The following PLSCR4 variants were observed in gnomAD, a reference collection of about 807,000 sequenced individuals.
PLSCR4 encodes the protein Ca(2+)-dependent phospholipid scramblase 4.
A neutral mutation model predicts 36.3 loss-of-function variants in PLSCR4; 25 were observed. The ratio of observed to expected loss-of-function variants is 0.69; its 90% CI spans 0.50 to 0.96. The LOEUF is 0.96. PLSCR4 is among the 40% of genes least tolerant of loss of function. PLSCR4 has a pLI of 0.00. For synonymous variants in PLSCR4, 122 were observed against 132.9 expected (o/e 0.92, Z 0.56); for missense variants, 408 against 414.7 (o/e 0.98, Z 0.14).
intron 4 of PLSCR4, among the ~76,000 whole-genome samples, chr3:146,203,925 G>A (rs570517267): frequency 6.6e-6 from 1 of 152,084 alleles, no homozygotes; most frequent in East Asian, 1.9e-4. Flanking sequence ...TGGCTAACTG[G>A]TGCTAGAAGA....
intron 1 of PLSCR4, among the ~76,000 whole-genome samples, chr3:146,249,275 T>A (rs1287493999): frequency 2.0e-5 from 3 of 152,146 alleles, no homozygotes; most frequent in African/African-American, 7.2e-5. Context: ...TTAGGCTGCA[T>A]ATGTTTAGAT....
At chr3:146,206,792 A>C in intron 3 of PLSCR4, 31 bp from the exon 4 acceptor site, 1 of 1,341,924 alleles carries the variant, frequency 7.5e-7, no homozygotes, top group East Asian at 2.6e-5. Flanking sequence ...AGTGTTATAT[A>C]TTATTAACAC....
At chr3:146,247,078 T>G (rs919736561) in intron 1 of PLSCR4, among the ~76,000 whole-genome samples, 1 of 152,198 alleles carries the variant, frequency 6.6e-6, no homozygotes, top group Non-Finnish European at 1.5e-5. Flanking sequence ...GTCTTGATGT[T>G]AATTACATTT....
At chr3:146,196,559 C>A (rs1479832417) in intron 7 of PLSCR4, 73 bp downstream of exon 7, 1 of 1,427,088 alleles carries the variant, frequency 7.0e-7, no homozygotes, top group Non-Finnish European at 9.8e-7. Context: ...AAAATGTCTA[C>A]AACCAGATCT....
chr3:146,195,153 C>T lies in PLSCR4; in HGVS notation c.916G>A (p.Ala306Thr). ...FPLDLDVKMK[A>T]MIFGACFLID... is the part of the protein sequence containing the mutation. ...AGGAAGCAAGCTCCAAAAATCATGG[C>T]TTTCATCTTCACATCCAGGTCTAGT... Residue 306 changes from alanine (A) to threonine (T), a missense_variant, in exon 8 of 9, where the codon GCC becomes ACC. Ala to Thr is a moderately conservative substitution (Grantham distance 58). Transcript: ENST00000354952. 6.2e-7 allele frequency: 1 copy of T among 1,613,894 alleles called. No homozygotes were observed. The highest frequency in any genetic ancestry group is 1.1e-5 in the South Asian group (1 of 91,066).
intron 4 of PLSCR4, among the ~76,000 whole-genome samples, chr3:146,204,556 C>T (rs1175780323): frequency 2.6e-5 from 4 of 151,872 alleles, no homozygotes; most frequent in African/African-American, 9.7e-5. Context: ...AATTAAAAAA[C>T]CAGGTTTGCC....
At chr3:146,198,580 T>G (rs2033873154) in intron 6 of PLSCR4, among the ~76,000 whole-genome samples, 1 of 151,958 alleles carries the variant, frequency 6.6e-6, no homozygotes, top group Non-Finnish European at 1.5e-5. Context: ...TTTTTATTTT[T>G]TATTTTTGTA....
chr3:146,219,619 G>A (rs2035049942), intron 3 of PLSCR4, among the ~76,000 whole-genome samples: 1 of 151,824 alleles, frequency 6.6e-6, no homozygotes, highest in Admixed American at 6.6e-5. Context: ...TATGCCTAGA[G>A]CCAAAAAAAA....
chr3:146,219,734 T>C (rs1435919555), intron 3 of PLSCR4, among the ~76,000 whole-genome samples: 1 of 151,868 alleles, frequency 6.6e-6, no homozygotes, highest in Non-Finnish European at 1.5e-5. Flanking sequence ...CTGACCAACA[T>C]GGAAAAACCT....
intron 1 of PLSCR4, among the ~76,000 whole-genome samples, chr3:146,225,785 C>T (rs578098350): frequency 6.6e-6 from 1 of 152,292 alleles, no homozygotes; most frequent in Non-Finnish European, 1.5e-5. Flanking sequence ...AAGCGCCGCA[C>T]GCGGTTGCCG....
chr3:146,238,665 G>A (rs1460163175), intron 1 of PLSCR4, among the ~76,000 whole-genome samples: 1 of 152,024 alleles, frequency 6.6e-6, no homozygotes, highest in African/African-American at 2.4e-5. Context: ...AGAAACTTGT[G>A]AAGCACTCCA....
intron 3 of PLSCR4, among the ~76,000 whole-genome samples, chr3:146,210,024 C>G (rs1184812270): frequency 6.6e-6 from 1 of 152,046 alleles, no homozygotes; most frequent in African/African-American, 2.4e-5. Flanking sequence ...ATACCAAAAC[C>G]TACAAATGCT....
intron 1 of PLSCR4, among the ~76,000 whole-genome samples, chr3:146,239,659 G>GA (rs2036065817): frequency 1.3e-5 from 2 of 152,124 alleles, no homozygotes; most frequent in Non-Finnish European, 2.9e-5. Flanking sequence ...CAAGGCAGGA[G>GA]AATCACCTGA....
In PLSCR4 at chr3:146,196,663, G is replaced by A. The variant is rs763305758; in HGVS notation, c.755C>T (p.Thr252Ile). The A allele has an allele frequency of 4.3e-6, 7 of 1,613,886 alleles. No individual in the cohort carries two copies. Among genetic ancestry groups the A allele is most frequent in the Admixed American group, 1.7e-5 (1 of 59,990 alleles). The stretch of plus-strand genomic sequence containing the variant: ...AACAGAATCTGAACCACAGCCATAG[G>A]TTGAGCATGGCCCACGAACTCTCAT... ...NVMRVRGPCS[T>I]YGCGSDSVFE... Residue 252 changes from threonine (T) to isoleucine (I), a missense_variant, in exon 7 of 9, where the codon ACC (threonine) becomes ATC (isoleucine). Transcript: ENST00000354952.
chr3:146,225,732 G>T (rs60537881), intron 1 of PLSCR4, among the ~76,000 whole-genome samples: 6,918 of 152,240 alleles, frequency 0.045, 538 homozygotes, highest in African/African-American at 0.16. Context: ...CCGAGTGTGG[G>T]GCCCGCCAAG....
rs2033577249 is a variant in PLSCR4, at chr3:146,194,170, T to C, written c.*241A>G. On this transcript the variant is annotated 3_prime_UTR_variant, in exon 9 of 9. Coordinates refer to ENST00000354952, the MANE Select transcript of PLSCR4 (RefSeq NM_020353.3). ...TTAAGCTTACTTTGTATATGTTTAC[T>C]GGGTTAATGAGTCACAGCTTTTCAG... 11 of 456,508 alleles carry C rather than the reference T, an allele frequency of 2.4e-5. No homozygotes were observed. The highest frequency in any genetic ancestry group is 3.1e-5 in the Non-Finnish European group (8 of 258,346). The allele number at this position is 456,508 out of a possible 1,614,324, so 28.3% of individuals were successfully genotyped here.
At chr3:146,219,707 G>A (rs2035053200) in intron 3 of PLSCR4, among the ~76,000 whole-genome samples, 1 of 151,952 alleles carries the variant, frequency 6.6e-6, no homozygotes, top group Non-Finnish European at 1.5e-5. Flanking sequence ...ACCTGAGGTC[G>A]GGACTTCGAG....
chr3:146,216,076 C>T (rs2034879802), intron 3 of PLSCR4, among the ~76,000 whole-genome samples: 3 of 152,038 alleles, frequency 2.0e-5, no homozygotes, highest in Admixed American at 2.0e-4. Flanking sequence ...ACCGAAAATA[C>T]AAAATTATCC....
rs1491336398 is a variant in PLSCR4 at position 146,247,397 on chromosome 3, A to AT, written c.-22+3562_-22+3563insA. Among the ~76,000 whole-genome samples, 12 of 29,076 alleles carry AT rather than the reference A, an allele frequency of 4.1e-4. No homozygotes were observed. The East Asian group carries it at 0.016, about 39-fold the overall frequency. The allele number at this position is 29,076 out of a possible 152,430, so 19.1% of individuals were successfully genotyped here. On this transcript the variant is annotated intron_variant, in intron 1 of 8. Coordinates refer to ENST00000354952, the MANE Select transcript of PLSCR4 (RefSeq NM_020353.3). ...TTTTGTAGTAGTCAATCTGATATAT[A>AT]AAAAAAAAAAATTGGTTTTATTTTC...
Sources: gnomAD v4.1 joint callset for allele counts (sites outside exome capture counted in the v4.1 genomes callset) on GRCh38, gnomAD v4.1.1 for gene constraint, MANE v1.5 for transcripts, NCBI Gene and HGNC (gene_info 2026-07-23, HGNC 2026-07-21) for gene names.